Variants in SYNE3 observed in about 807,000 individuals in gnomAD.
SYNE3 encodes the protein spectrin repeat containing nuclear envelope family member 3, also known as nesprin-3.
SYNE3 carries 100 observed loss-of-function variants against 111.2 expected under a neutral mutation model. The observed-to-expected ratio is 0.90, with a 90% CI of 0.77 to 1.06. The LOEUF (loss-of-function observed/expected upper bound fraction) is 1.06, where lower values mean the gene tolerates loss of function less well. SYNE3 is among the 50% of genes least tolerant of loss of function. The pLI, the probability that SYNE3 is intolerant of heterozygous loss-of-function variation, is 0.00. For missense variants in SYNE3, 1,160 were observed against 1,240.3 expected (o/e 0.94, Z 0.97); for synonymous variants, 547 against 533.9 (o/e 1.02, Z -0.34).
chr14:95,431,659 C>T (rs1885770204), intron 17 of SYNE3, among the ~76,000 whole-genome samples: 1 of 152,216 alleles, frequency 6.6e-6, no homozygotes, highest in African/African-American at 2.4e-5. Context: ...CTACCGAGCC[C>T]CATAGACTCT....
rs141634441 is a variant in SYNE3, at chr14:95,491,790, G to C, written c.-14-15955C>G. ...AAAAATGTTAAAAAAAAAAAAAAAAGTGACACCATCAAGAAAGTGAAAAGA... is the reference window on the plus strand; with the variant it reads ...AAAAATGTTAAAAAAAAAAAAAAAACTGACACCATCAAGAAAGTGAAAAGA... On this transcript the variant is annotated intron_variant, in intron 1 of 17. Coordinates refer to ENST00000682763, the MANE Select transcript of SYNE3 (RefSeq NM_152592.6). Among the ~76,000 whole-genome samples, 754 of 137,826 alleles carry C rather than the reference G, an allele frequency of 5.5e-3. 7 individuals carry two copies. Among genetic ancestry groups the C allele is most frequent in the African/African-American group, 0.019 (697 of 36,714 alleles). The allele number at this position is 137,826 out of a possible 152,430, so 90.4% of individuals were successfully genotyped here.
chr14:95,449,498 A>T (rs1337204948), intron 8 of SYNE3: 2 of 985,362 alleles, frequency 2.0e-6, no homozygotes, highest in Non-Finnish European at 2.4e-6. Context: ...GACCTGGCTT[A>T]GAACTACAAA....
chr14:95,450,242 G>GACATTCCCAGCAACT, intron 7 of SYNE3, 137 bp from the exon 8 acceptor site: 1 of 998,910 alleles, frequency 1.0e-6, no homozygotes, highest in Non-Finnish European at 1.4e-6. Flanking sequence ...TCAGTTGCTG[G>GACATTCCCAGCAACT]GAATGTCTGC....
At chr14:95,442,905 A>T (rs1331410817) in intron 11 of SYNE3, among the ~76,000 whole-genome samples, 2 of 152,230 alleles carry the variant, frequency 1.3e-5, no homozygotes, top group African/African-American at 4.8e-5. Flanking sequence ...CGTAACTCCC[A>T]GGAGAGCAGG....
At position 95,470,412 on chromosome 14, in the gene SYNE3, G is replaced by A. The variant is rs767418283; in HGVS notation, c.145-2445C>T. Among the ~76,000 whole-genome samples, 10 of 151,750 alleles carry A rather than the reference G, an allele frequency of 6.6e-5. No individual in the cohort carries two copies. The highest frequency in any genetic ancestry group is 2.2e-4 in the African/African-American group (9 of 41,274). On this transcript the variant is annotated intron_variant, in intron 2 of 17. Coordinates refer to ENST00000682763, the MANE Select transcript of SYNE3 (RefSeq NM_152592.6). The surrounding 1 kb of genome is among the most constrained non-coding windows in gnomAD (Gnocchi z 4.2). ...TTTGGGAGACCAAGGCAGGAGGATC[G>A]CTGAGGCCAGGAGTATGCAACCACT...
chr14:95,509,851 T>A (rs1029404273), intron 1 of SYNE3, among the ~76,000 whole-genome samples: 4 of 152,262 alleles, frequency 2.6e-5, no homozygotes, highest in Non-Finnish European at 5.9e-5. Flanking sequence ...CCAGCCCGAG[T>A]TGCGTTACAC....
Position 95,452,474 on chromosome 14 carries a change from T to G in SYNE3, c.1138-91A>C, listed in dbSNP as rs1595208032. 3 of 1,422,322 alleles carry G rather than the reference T, an allele frequency of 2.1e-6. No homozygotes were observed. The East Asian group carries it at 7.4e-5, about 35-fold the overall frequency. The allele number at this position is 1,422,322 out of a possible 1,614,324, so 88.1% of individuals were successfully genotyped here. A position where few individuals can be genotyped will look rare whatever the true frequency, so the allele number is the denominator to read the frequency against. The stretch of plus-strand genomic sequence containing the variant: ...GGAGGGTGAGCGTGGCCAGTGGAGG[T>G]GGGCTAGGCTAGGAAGAAACTGTCA... On this transcript the variant is annotated intron_variant, in intron 6 of 17. Coordinates refer to ENST00000682763, the MANE Select transcript of SYNE3 (RefSeq NM_152592.6).
rs1211406457 is a variant in SYNE3, at chr14:95,412,469, A to T, written c.*5357T>A. On this transcript the variant is annotated 3_prime_UTR_variant, in exon 18 of 18. Coordinates refer to ENST00000682763, the MANE Select transcript of SYNE3 (RefSeq NM_152592.6). ...GCACAAAGCCTGGCACAGGCTGGAGAATGCTTGTTGCATTGGATTAAGATG... is the reference window on the plus strand; with the variant it reads ...GCACAAAGCCTGGCACAGGCTGGAGTATGCTTGTTGCATTGGATTAAGATG... The T allele has an allele frequency of 6.6e-6, 1 of 152,210 alleles. No individual in the cohort carries two copies. The highest frequency in any genetic ancestry group is 2.4e-5 in the African/African-American group (1 of 41,440). The allele number at this position is 152,210 out of a possible 1,614,324, so 9.4% of individuals were successfully genotyped here.
intron 2 of SYNE3, among the ~76,000 whole-genome samples, chr14:95,469,579 C>T (rs1034165706): frequency 6.7e-6 from 1 of 149,270 alleles, no homozygotes; most frequent in Non-Finnish European, 1.5e-5. Context: ...GATGTAGTGG[C>T]ATATGCCTGT....
chr14:95,428,386 T>C lies in SYNE3; in HGVS notation c.2727+3693A>G, dbSNP rs144143616. Among the ~76,000 whole-genome samples, 937 of 152,298 alleles carry C rather than the reference T, an allele frequency of 6.2e-3. 11 individuals carry two copies. Among genetic ancestry groups the C allele is most frequent in the African/African-American group, 0.022 (895 of 41,560 alleles). On this transcript the variant is annotated intron_variant, in intron 17 of 17. Transcript: ENST00000682763. ...CTAAATCTTCACTGGAAGAACTACATTGTAATAAGACACCCGAATTCCAGA... is the reference window on the plus strand; with the variant it reads ...CTAAATCTTCACTGGAAGAACTACACTGTAATAAGACACCCGAATTCCAGA...
chr14:95,512,364 T>C (rs1336703989), intron 1 of SYNE3, among the ~76,000 whole-genome samples: 1 of 152,186 alleles, frequency 6.6e-6, no homozygotes, highest in Non-Finnish European at 1.5e-5. Flanking sequence ...CGCCTCCTAT[T>C]TGTAAATAAT....
chr14:95,450,650 C>T (rs530627137), intron 7 of SYNE3: 34 of 152,708 alleles, frequency 2.2e-4, no homozygotes, highest in Non-Finnish European at 4.4e-4. Context: ...GCACTCCAAC[C>T]TAGGTGACAG....
chr14:95,477,848 T>C (rs922402544), intron 1 of SYNE3, among the ~76,000 whole-genome samples: 4 of 152,250 alleles, frequency 2.6e-5, no homozygotes, highest in Middle Eastern at 3.2e-3. Context: ...AATGTATTTG[T>C]TGTGGCTCTA....
chr14:95,421,078 C>T (rs1285458426), intron 17 of SYNE3, among the ~76,000 whole-genome samples: 3 of 152,220 alleles, frequency 2.0e-5, no homozygotes, highest in Admixed American at 6.5e-5. Flanking sequence ...GTAAGATGTG[C>T]CTTTCTTCTT....
chr14:95,493,708 C>T (rs370978582), intron 1 of SYNE3, among the ~76,000 whole-genome samples: 3 of 152,202 alleles, frequency 2.0e-5, no homozygotes, highest in Admixed American at 6.5e-5. Context: ...GGAAGCCAGC[C>T]GCCACGGACA....
At position 95,407,776 on chromosome 14, in the gene SYNE3, G is replaced by GAC. The variant is rs773545530; in HGVS notation, c.*10048_*10049dup. Reference sequence around the variant, plus strand: ...ACGCATACACAAACACACACACACAGACACACACACACACACACACACACC... The same window carrying GAC: ...ACGCATACACAAACACACACACACAGACACACACACACACACACACACACACC... On this transcript the variant is annotated 3_prime_UTR_variant, in exon 18 of 18. Transcript: ENST00000682763. 24,205 of 148,028 alleles carry GAC rather than the reference G, an allele frequency of 0.16. 2,174 individuals carry two copies. Among genetic ancestry groups the GAC allele is most frequent in the East Asian group, 0.26 (1,289 of 5,010 alleles). The allele number at this position is 148,028 out of a possible 1,614,324, so 9.2% of individuals were successfully genotyped here. A position where few individuals can be genotyped will look rare whatever the true frequency, so the allele number is the denominator to read the frequency against.
At chr14:95,498,408 AG>A (rs1371587326) in intron 1 of SYNE3, among the ~76,000 whole-genome samples, 10 of 152,290 alleles carry the variant, frequency 6.6e-5, no homozygotes, top group African/African-American at 2.2e-4. Context: ...TAATAAAGAC[AG>A]GGTTTCACCA....
intron 2 of SYNE3, among the ~76,000 whole-genome samples, chr14:95,474,564 G>A (rs1888761600): frequency 6.6e-6 from 1 of 152,210 alleles, no homozygotes; most frequent in South Asian, 2.1e-4. Flanking sequence ...TGCAGGCACA[G>A]GAAACGGTGT....
At chr14:95,469,940 G>A (rs979719954) in intron 2 of SYNE3, among the ~76,000 whole-genome samples, 16 of 152,130 alleles carry the variant, frequency 1.1e-4, no homozygotes, top group Admixed American at 9.8e-4. Flanking sequence ...TCCTACCTTT[G>A]TTATCAAAGA....
Sources: gnomAD v4.1 joint callset for allele counts (sites outside exome capture counted in the v4.1 genomes callset) on GRCh38, gnomAD v4.1.1 for gene constraint, Gnocchi (gnomAD v3.1) non-coding constraint, MANE v1.5 for transcripts, NCBI Gene and HGNC (gene_info 2026-07-23, HGNC 2026-07-21) for gene names.